DACH1: variants seen among roughly 807,000 people sequenced by gnomAD.
DACH1 encodes dachshund homolog 1.
In DACH1, 12 loss-of-function variants were observed where a neutral mutation model predicts 54.2. The observed-to-expected ratio is 0.22, with a 90% CI of 0.14 to 0.36. DACH1 has a LOEUF of 0.36. Among genes scored for constraint, DACH1 ranks in the 10% least tolerant of loss-of-function variants. The pLI, the probability that DACH1 is intolerant of heterozygous loss-of-function variation, is 1.00. For synonymous variants in DACH1, 386 were observed against 366.2 expected (o/e 1.05, Z -0.62); for missense variants, 805 against 929.8 (o/e 0.87, Z 1.75).
At chr13:71,697,179 G>A (rs1208660785) in intron 1 of DACH1, among the ~76,000 whole-genome samples, 2 of 152,112 alleles carry the variant, frequency 1.3e-5, no homozygotes, top group Non-Finnish European at 2.9e-5. Flanking sequence ...TTTGTTCACT[G>A]GAATATCCCC....
chr13:71,498,098 T>A (rs953456139), intron 6 of DACH1, among the ~76,000 whole-genome samples: 2 of 152,118 alleles, frequency 1.3e-5, no homozygotes, highest in Non-Finnish European at 2.9e-5. Context: ...ATGTTGGAGG[T>A]TTGCTACAAA....
At chr13:71,785,967 G>A (rs1353425989) in intron 1 of DACH1, among the ~76,000 whole-genome samples, 1 of 152,094 alleles carries the variant, frequency 6.6e-6, no homozygotes, top group African/African-American at 2.4e-5. Flanking sequence ...TACCTTTCAA[G>A]GGAGCACCAT....
In DACH1 at chr13:71,737,498, G is replaced by C. The variant is rs762113834; in HGVS notation, c.849-55588C>G. Among the ~76,000 whole-genome samples the C allele has an allele frequency of 6.6e-5, 10 of 152,262 alleles. 1 individual carries two copies. The South Asian group carries it at 8.3e-4, about 13-fold the overall frequency. ...AACAGCAGTAGTTTAGTTGATGAAG[G>C]CATCTTTAAAATGGAGAAGAATGCA... On this transcript the variant is annotated intron_variant, in intron 1 of 10. Transcript: ENST00000613252.
At chr13:71,639,446 A>G (rs1430612024) in intron 2 of DACH1, among the ~76,000 whole-genome samples, 1 of 152,020 alleles carries the variant, frequency 6.6e-6, no homozygotes, top group African/African-American at 2.4e-5. Context: ...TAATGGAAAC[A>G]CTCCCTATAC....
chr13:71,528,505 T>G (rs926739953), intron 6 of DACH1, among the ~76,000 whole-genome samples: 26 of 148,514 alleles, frequency 1.8e-4, no homozygotes, highest in Non-Finnish European at 3.3e-4. Context: ...TCGGCTCACT[T>G]CAAGCTCCGC....
intron 2 of DACH1, among the ~76,000 whole-genome samples, chr13:71,652,610 C>G (rs1275776395): frequency 1.3e-5 from 2 of 152,138 alleles, no homozygotes; most frequent in Non-Finnish European, 2.9e-5. Context: ...CACAAATTAT[C>G]ACCTCTTAGG....
At chr13:71,695,975 T>A (rs911406808) in intron 1 of DACH1, among the ~76,000 whole-genome samples, 4 of 152,206 alleles carry the variant, frequency 2.6e-5, no homozygotes, top group Non-Finnish European at 5.9e-5. Flanking sequence ...GTATGTGAAG[T>A]ACAGTGCTCA....
intron 6 of DACH1, among the ~76,000 whole-genome samples, chr13:71,499,810 T>G (rs769230959): frequency 6.6e-6 from 1 of 152,146 alleles, no homozygotes; most frequent in Non-Finnish European, 1.5e-5. Context: ...TGCCTACAGA[T>G]AGATTCTTCC....
At chr13:71,557,699 G>A (rs747014805) in intron 5 of DACH1, among the ~76,000 whole-genome samples, 22 of 151,996 alleles carry the variant, frequency 1.4e-4, no homozygotes, top group Non-Finnish European at 2.6e-4. Flanking sequence ...GTAGAAATGT[G>A]TGTTTCCTGA....
intron 6 of DACH1, among the ~76,000 whole-genome samples, chr13:71,526,975 T>C (rs1882013537): frequency 6.6e-6 from 1 of 151,754 alleles, no homozygotes; most frequent in South Asian, 2.1e-4. Context: ...TTGGAATTAT[T>C]TCTGTTATTA....
At chr13:71,601,398 A>G (rs903487806) in intron 3 of DACH1, among the ~76,000 whole-genome samples, 1 of 152,070 alleles carries the variant, frequency 6.6e-6, no homozygotes, top group African/African-American at 2.4e-5. Context: ...AATATTTTTT[A>G]TAATATTTAT....
chr13:71,627,637 CTCCTGGAGGATTCAGCACA>C, intron 3 of DACH1, among the ~76,000 whole-genome samples: 1 of 152,190 alleles, frequency 6.6e-6, no homozygotes. Context: ...GTAATCGGTT[CTCCTGGAGGATTCAGCACA>C]TCCTGTTATG....
intron 6 of DACH1, among the ~76,000 whole-genome samples, chr13:71,506,466 T>C (rs1458618634): frequency 6.6e-6 from 1 of 151,842 alleles, no homozygotes; most frequent in African/African-American, 2.4e-5. Flanking sequence ...GGACATGAAC[T>C]CATCATTTTT....
intron 1 of DACH1, among the ~76,000 whole-genome samples, chr13:71,683,749 C>A (rs1389332584): frequency 6.6e-6 from 1 of 152,010 alleles, no homozygotes; most frequent in Admixed American, 6.6e-5. Flanking sequence ...AATCAACAGC[C>A]CTCTGATAGT....
intron 6 of DACH1, among the ~76,000 whole-genome samples, chr13:71,492,584 A>T (rs1234993514): frequency 3.3e-5 from 5 of 151,956 alleles, no homozygotes; most frequent in Non-Finnish European, 2.9e-5. Context: ...GAGATAATAA[A>T]CTTCTGTTGT....
chr13:71,524,114 T>C (rs1881792036), intron 6 of DACH1, among the ~76,000 whole-genome samples: 1 of 152,140 alleles, frequency 6.6e-6, no homozygotes, highest in East Asian at 1.9e-4. Context: ...ACTTGTGCCA[T>C]TTCCTGGCGA....
At chr13:71,511,654 T>A (rs1375677630) in intron 6 of DACH1, among the ~76,000 whole-genome samples, 3 of 151,992 alleles carry the variant, frequency 2.0e-5, no homozygotes, top group Non-Finnish European at 4.4e-5. Context: ...CTACATTTAT[T>A]CCTTTTAAAA....
At chr13:71,859,674 C>T (rs961665485) in intron 1 of DACH1, among the ~76,000 whole-genome samples, 6 of 151,844 alleles carry the variant, frequency 4.0e-5, no homozygotes, top group African/African-American at 1.4e-4. Context: ...ATAAAGTAAT[C>T]CACCAGTAAT....
At position 71,468,467 on chromosome 13, in the gene DACH1, C is replaced by T. The variant is rs548239578; in HGVS notation, c.2083+6674G>A. Among the ~76,000 whole-genome samples the T allele has an allele frequency of 2.2e-3, 337 of 152,244 alleles. 2 individuals carry two copies. Among genetic ancestry groups the T allele is most frequent in the African/African-American group, 7.7e-3 (322 of 41,554 alleles). On this transcript the variant is annotated intron_variant, in intron 10 of 10. Transcript: ENST00000613252. ...AGCTTCCATAGAAGTGCCTAAGGAA[C>T]CCCCATTCCCACACCGATCTTAAAA...
Sources: allele counts gnomAD v4.1 joint callset (sites outside exome capture counted in the v4.1 genomes callset), GRCh38; gene constraint gnomAD v4.1.1; transcripts MANE v1.5; gene names NCBI Gene and HGNC (gene_info 2026-07-23, HGNC 2026-07-21).